The following PSD3 variants were observed in gnomAD, a reference collection of about 807,000 sequenced individuals.
PSD3 encodes the protein PH and SEC7 domain-containing protein 3.
PSD3 carries 49 observed loss-of-function variants against 105.5 expected under a neutral mutation model. The observed-to-expected ratio is 0.46, with a 90% CI of 0.37 to 0.59. PSD3 has a LOEUF of 0.59. Ranked by LOEUF, PSD3 falls within the 20% of genes least tolerant of loss-of-function variation. PSD3 has a pLI of 0.00. For synonymous variants in PSD3, 557 were observed against 457.8 expected (o/e 1.22, Z -2.77); for missense variants, 1,561 against 1,263.8 (o/e 1.24, Z -3.57).
intron 9 of PSD3, among the ~76,000 whole-genome samples, chr8:18,741,416 A>C (rs1268498478): frequency 6.6e-6 from 1 of 152,218 alleles, no homozygotes; most frequent in Non-Finnish European, 1.5e-5. Flanking sequence ...GTTTGTTACC[A>C]TGATGATCTC....
chr8:18,683,486 C>A (rs1374776644), intron 9 of PSD3, among the ~76,000 whole-genome samples: 1 of 152,190 alleles, frequency 6.6e-6, no homozygotes, highest in Admixed American at 6.5e-5. Flanking sequence ...AAAACAAGAT[C>A]GATGTGCCAA....
intron 2 of PSD3, among the ~76,000 whole-genome samples, chr8:18,913,068 AACACACACACACACACAAACACAC>A (rs1305969397): frequency 3.5e-5 from 4 of 113,182 alleles, no homozygotes; most frequent in African/African-American, 1.3e-4. Flanking sequence ...CAACTTTATA[AACACACACACACACACAAACACAC>A]ACACACACAC....
intron 1 of PSD3, among the ~76,000 whole-genome samples, chr8:18,959,346 C>T (rs1266618480): frequency 2.6e-5 from 4 of 152,144 alleles, no homozygotes; most frequent in East Asian, 1.9e-4. Flanking sequence ...TGAATTCCAA[C>T]TGAAAAAGCC....
chr8:18,951,132 T>C (rs181642042), intron 1 of PSD3, among the ~76,000 whole-genome samples: 73 of 152,292 alleles, frequency 4.8e-4, no homozygotes, highest in Non-Finnish European at 2.5e-4. Flanking sequence ...TGGTGGCTCA[T>C]ACCTACGATC....
chr8:18,793,828 C>T (rs545933047), intron 8 of PSD3, among the ~76,000 whole-genome samples: 1 of 152,210 alleles, frequency 6.6e-6, no homozygotes, highest in African/African-American at 2.4e-5. Context: ...CTGCCAGTTA[C>T]AATAGTGATC....
chr8:18,938,202 A>C (rs1822280124), intron 1 of PSD3, among the ~76,000 whole-genome samples: 1 of 152,260 alleles, frequency 6.6e-6, no homozygotes, highest in African/African-American at 2.4e-5. Context: ...GACAAGAAGC[A>C]GCAGAGATAT....
intron 14 of PSD3, among the ~76,000 whole-genome samples, chr8:18,557,110 T>C (rs928461586): frequency 6.6e-6 from 1 of 152,222 alleles, no homozygotes; most frequent in Non-Finnish European, 1.5e-5. Context: ...CCCAAAAAGA[T>C]ATGTTACTGA....
At chr8:18,594,847 G>C (rs1451727015) in intron 12 of PSD3, among the ~76,000 whole-genome samples, 2 of 152,032 alleles carry the variant, frequency 1.3e-5, no homozygotes, top group Admixed American at 1.3e-4. Context: ...ATAGTACTCA[G>C]CATGTAGAAA....
intron 13 of PSD3, among the ~76,000 whole-genome samples, chr8:18,573,948 G>A (rs1175114286): frequency 6.6e-6 from 1 of 152,128 alleles, no homozygotes; most frequent in Non-Finnish European, 1.5e-5. Flanking sequence ...GGTACGTAAA[G>A]CATACCTCAA....
intron 9 of PSD3, among the ~76,000 whole-genome samples, chr8:18,737,322 T>C (rs1209513157): frequency 6.6e-6 from 1 of 152,142 alleles, no homozygotes; most frequent in African/African-American, 2.4e-5. Flanking sequence ...GTGCTATTTG[T>C]TTATTTGTGT....
intron 12 of PSD3, among the ~76,000 whole-genome samples, chr8:18,586,877 G>A (rs910607606): frequency 6.6e-6 from 1 of 152,184 alleles, no homozygotes; most frequent in Admixed American, 6.5e-5. Context: ...GTAGAAAGGT[G>A]TGGAGAAAGA....
At chr8:18,545,204 C>T (rs1286453618) in intron 15 of PSD3, among the ~76,000 whole-genome samples, 1 of 152,136 alleles carries the variant, frequency 6.6e-6, no homozygotes. Context: ...CTAAAATGAA[C>T]ATTCTGTAAG....
At position 18,632,676 on chromosome 8, in the gene PSD3, C is replaced by T. The variant is rs1210133184; in HGVS notation, c.2347G>A (p.Ala783Thr). ...AAGAATCCACTTTTGTACACAGCAG[C>T]ATTTGGATCATGAGGAATGTCCAAA... ...PFLDIPHDPN[A>T]AVYKSGFLAR... Residue 783 changes from alanine to threonine, a missense_variant, in exon 11 of 16, where the codon GCT becomes ACT. Physicochemically the swap from Ala to Thr is moderately conservative, Grantham distance 58. Transcript: ENST00000327040. 6.2e-7 allele frequency: 1 copy of T among 1,612,780 alleles called. No individual in the cohort carries two copies. Among genetic ancestry groups the T allele is most frequent in the Admixed American group, 1.7e-5 (1 of 59,876 alleles).
rs557479982 is a variant in PSD3 at position 18,977,938 on chromosome 8, T to C, written c.21+35625A>G. Among the ~76,000 whole-genome samples, 4 of 152,328 alleles carry C rather than the reference T, an allele frequency of 2.6e-5. No homozygotes were observed. In the South Asian group the frequency reaches 8.3e-4, roughly 32 times the overall value. On this transcript the variant is annotated intron_variant, in intron 1 of 15. Coordinates refer to ENST00000327040, the MANE Select transcript of PSD3 (RefSeq NM_015310.4). ...TTAAACTGAGAGGCTTCCAATGATG[T>C]AACCAGAGATGGACTTTTGAGCAAA...
intron 9 of PSD3, among the ~76,000 whole-genome samples, chr8:18,668,095 C>T (rs543739499): frequency 1.9e-3 from 289 of 152,336 alleles, no homozygotes; most frequent in African/African-American, 6.7e-3. Context: ...CTGAGGGAGC[C>T]GGCTCCGGCC....
chr8:18,796,696 C>A (rs11203998), intron 8 of PSD3, among the ~76,000 whole-genome samples: 1 of 151,970 alleles, frequency 6.6e-6, no homozygotes, highest in Admixed American at 6.6e-5. Flanking sequence ...AGGGGAGTCA[C>A]CCCTCCCCTA....
intron 4 of PSD3, chr8:18,865,032 G>A (rs992738582): frequency 2.0e-5 from 3 of 150,270 alleles, no homozygotes; most frequent in Non-Finnish European, 4.4e-5. Flanking sequence ...TCAGACTTCC[G>A]GCTTTATCAA....
chr8:18,599,270 G>T (rs1401861893), intron 12 of PSD3, among the ~76,000 whole-genome samples: 1 of 152,072 alleles, frequency 6.6e-6, no homozygotes, highest in Non-Finnish European at 1.5e-5. Context: ...ATATATGGGG[G>T]GAAGCTGGAA....
intron 9 of PSD3, chr8:18,762,964 G>T: frequency 7.8e-7 from 1 of 1,274,736 alleles, no homozygotes; most frequent in Middle Eastern, 2.1e-4. Context: ...TTTCTCAGTA[G>T]TCTGTGATCT....
Sources: gnomAD v4.1 joint callset for allele counts (sites outside exome capture counted in the v4.1 genomes callset) on GRCh38, gnomAD v4.1.1 for gene constraint, MANE v1.5 for transcripts, NCBI Gene and HGNC (gene_info 2026-07-23, HGNC 2026-07-21) for gene names.